Variants in NUBPL observed in about 807,000 individuals in gnomAD.
NUBPL encodes iron-sulfur cluster transfer protein NUBPL.
A neutral mutation model predicts 45.7 loss-of-function variants in NUBPL; 31 were observed. The ratio of observed to expected loss-of-function variants is 0.68; its 90% confidence interval spans 0.51 to 0.92. The LOEUF is 0.92. NUBPL is among the 40% of genes least tolerant of loss of function. The pLI is 0.00. For synonymous variants in NUBPL, 144 were observed against 140.9 expected, an observed-to-expected ratio of 1.02 and a Z score of -0.15; for missense variants, 401 against 398.7, an observed-to-expected ratio of 1.01 and a Z score of -0.05.
intron 10 of NUBPL, among the ~76,000 whole-genome samples, chr14:31,858,637 G>T (rs1160591408): frequency 6.6e-6 from 1 of 152,076 alleles, no homozygotes; most frequent in Non-Finnish European, 1.5e-5. Flanking sequence ...GCCTATAGGT[G>T]CTTGGTGCTG....
chr14:31,798,424 A>G (rs61994415), intron 7 of NUBPL, among the ~76,000 whole-genome samples: 1,613 of 146,682 alleles, frequency 0.011, 23 homozygotes, highest in South Asian at 0.026. Context: ...TTGCTATTTG[A>G]TTACTTGCAG....
At chr14:31,571,115 T>G (rs142281245) in intron 3 of NUBPL, among the ~76,000 whole-genome samples, 157 of 152,350 alleles carry the variant, frequency 1.0e-3, no homozygotes, top group African/African-American at 3.7e-3. Flanking sequence ...ATACTATTCT[T>G]GATAGCTTAC....
intron 3 of NUBPL, among the ~76,000 whole-genome samples, chr14:31,579,962 A>G (rs1021221685): frequency 2.0e-5 from 3 of 152,208 alleles, no homozygotes; most frequent in Admixed American, 6.5e-5. Context: ...GATTTGTTCC[A>G]TTTTCAAGGT....
chr14:31,581,629 A>T (rs2033866861), intron 3 of NUBPL, among the ~76,000 whole-genome samples: 2 of 152,160 alleles, frequency 1.3e-5, no homozygotes, highest in Non-Finnish European at 1.5e-5. Context: ...ATTTCCTGGG[A>T]TGGAGAAGAC....
In NUBPL at chr14:31,826,950, G is replaced by A. The variant is rs8018532; in HGVS notation, c.693+236G>A. Among the ~76,000 whole-genome samples the A allele has an allele frequency of 0.53, 80,274 of 152,056 alleles. 22,941 individuals carry two copies. Among genetic ancestry groups the A allele is most frequent in the African/African-American group, 0.77 (31,828 of 41,476 alleles). ...TTAGGTAAGAGTTTTCTATAGAAGTGCTACTTCTCTCATACTTGCAGCTAT... is the reference window on the plus strand; with the variant it reads ...TTAGGTAAGAGTTTTCTATAGAAGTACTACTTCTCTCATACTTGCAGCTAT... On this transcript the variant is annotated intron_variant, in intron 8 of 10. Transcript: ENST00000281081.
Position 31,750,845 on chromosome 14 carries a change from A to C in NUBPL, c.514-36935A>C, listed in dbSNP as rs537370990. 6.1e-4 allele frequency among the ~76,000 whole-genome samples: 93 copies of C among 152,276 alleles called. 1 individual carries two copies. The highest frequency in any genetic ancestry group is 2.1e-4 in the Non-Finnish European group (14 of 68,018). ...CATTCTCATACTGCTATAAAGAACT[A>C]CCTGAGACTGGGTAATTTATGAAGA... is the stretch of plus-strand genomic sequence containing the variant. On this transcript the variant is annotated intron_variant, in intron 6 of 10. Transcript: ENST00000281081.
At chr14:31,830,243 TTTAG>T (rs1482975116) in intron 8 of NUBPL, among the ~76,000 whole-genome samples, 2 of 152,252 alleles carry the variant, frequency 1.3e-5, no homozygotes, top group Non-Finnish European at 2.9e-5. Context: ...TTTACTGATA[TTTAG>T]TGTCTTCTAT....
chr14:31,611,619 T>C (rs1425651513), intron 4 of NUBPL, among the ~76,000 whole-genome samples: 1 of 152,040 alleles, frequency 6.6e-6, no homozygotes, highest in African/African-American at 2.4e-5. Flanking sequence ...CCAAAGCTAA[T>C]CTAGGCAAAA....
chr14:31,738,726 CTG>C (rs1369772487), intron 6 of NUBPL, among the ~76,000 whole-genome samples: 1 of 152,082 alleles, frequency 6.6e-6, no homozygotes, highest in African/African-American at 2.4e-5. Context: ...ATATGAAAAA[CTG>C]TTTCTAAAAT....
intron 6 of NUBPL, among the ~76,000 whole-genome samples, chr14:31,731,652 AT>A (rs1458932480): frequency 2.0e-5 from 3 of 152,232 alleles, no homozygotes; most frequent in African/African-American, 7.2e-5. Context: ...GTCAGCTTAT[AT>A]AGCTGGACAG....
intron 6 of NUBPL, among the ~76,000 whole-genome samples, chr14:31,772,717 C>T (rs1426491883): frequency 6.6e-6 from 1 of 152,036 alleles, no homozygotes; most frequent in Non-Finnish European, 1.5e-5. Flanking sequence ...CTGCTGTGTA[C>T]CTCTGCAAGG....
At chr14:31,745,386 C>CT (rs36054475) in intron 6 of NUBPL, among the ~76,000 whole-genome samples, 1 of 152,190 alleles carries the variant, frequency 6.6e-6, no homozygotes, top group African/African-American at 2.4e-5. Flanking sequence ...TGGACTCATC[C>CT]TTTTTTATGG....
At chr14:31,759,344 A>G (rs1176723975) in intron 6 of NUBPL, among the ~76,000 whole-genome samples, 2 of 152,044 alleles carry the variant, frequency 1.3e-5, no homozygotes, top group African/African-American at 4.8e-5. Context: ...TTACCTTTAT[A>G]ATGAGTCAGT....
rs575020083 is a variant in NUBPL, at chr14:31,695,384, T to G, written c.513+21810T>G. On this transcript the variant is annotated intron_variant, in intron 6 of 10. Coordinates refer to ENST00000281081, the MANE Select transcript of NUBPL (RefSeq NM_025152.3). ...TTTAAATGTTGCTACTGGAGCTATC[T>G]AAGACCAAAAATTACTGCAACTTTT... Among the ~76,000 whole-genome samples the G allele has an allele frequency of 1.7e-4, 25 of 150,736 alleles. No individual in the cohort carries two copies. In the South Asian group the frequency reaches 4.6e-3, roughly 28 times the overall value.
intron 6 of NUBPL, among the ~76,000 whole-genome samples, chr14:31,752,045 C>T (rs1211589112): frequency 6.6e-6 from 1 of 152,174 alleles, no homozygotes; most frequent in East Asian, 1.9e-4. Context: ...CAAGGCCCCA[C>T]CCACAAAACC....
At chr14:31,564,871 C>A in intron 2 of NUBPL, 143 bp from the exon 3 acceptor site, 1 of 539,032 alleles carries the variant, frequency 1.9e-6, no homozygotes, top group Non-Finnish European at 3.3e-6. Flanking sequence ...GATATATGTT[C>A]AAAATTTATA....
intron 8 of NUBPL, chr14:31,845,410 C>T (rs112012389): frequency 0.1 from 15,441 of 152,160 alleles, 968 homozygotes; most frequent in Non-Finnish European, 0.14. Flanking sequence ...TCCTCTAATC[C>T]CAGCACTTTG....
At chr14:31,831,468 T>TACCATACC (rs1555342391) in intron 8 of NUBPL, among the ~76,000 whole-genome samples, 54 of 143,168 alleles carry the variant, frequency 3.8e-4, no homozygotes, top group East Asian at 1.0e-3. Context: ...TATACTGTAC[T>TACCATACC]ATACCATACC....
rs117831618 is a variant in NUBPL at position 31,611,454 on chromosome 14, C to T, written c.382+12075C>T. 4.0e-3 allele frequency among the ~76,000 whole-genome samples: 609 copies of T among 152,276 alleles called. 1 individual carries two copies. The highest frequency in any genetic ancestry group is 6.9e-3 in the Non-Finnish European group (472 of 68,008). ...AAAAAATGGAAAGATTTTCCATGTTCATGGATTGGAAGAATCAATATTGTT... is the reference window on the plus strand; with the variant it reads ...AAAAAATGGAAAGATTTTCCATGTTTATGGATTGGAAGAATCAATATTGTT... On this transcript the variant is annotated intron_variant, in intron 4 of 10. Coordinates refer to ENST00000281081, the MANE Select transcript of NUBPL (RefSeq NM_025152.3).
Sources: allele counts gnomAD v4.1 joint callset (sites outside exome capture counted in the v4.1 genomes callset), GRCh38; gene constraint gnomAD v4.1.1; transcripts MANE v1.5; gene names NCBI Gene and HGNC (gene_info 2026-07-23, HGNC 2026-07-21).